The following SLC24A2 variants were observed in gnomAD, a reference collection of about 807,000 sequenced individuals.
SLC24A2 encodes solute carrier family 24 member 2, also known as sodium/potassium/calcium exchanger 2.
SLC24A2 carries 36 observed loss-of-function variants against 62.0 expected under a neutral mutation model. The observed-to-expected ratio is 0.58, with a 90% CI of 0.44 to 0.77. SLC24A2 has a LOEUF of 0.77. Ranked by LOEUF, SLC24A2 falls within the 30% of genes least tolerant of loss-of-function variation. SLC24A2 has a pLI of 0.00. For missense variants in SLC24A2, 846 were observed against 817.9 expected, an observed-to-expected ratio of 1.03 and a Z score of -0.42; for synonymous variants, 358 against 294.0, an observed-to-expected ratio of 1.22 and a Z score of -2.23.
At chr9:20,208,701 C>A in the SLC24A2 span, among the ~76,000 whole-genome samples, 2 of 152,176 alleles carry the variant, frequency 1.3e-5, no homozygotes, top group Non-Finnish European at 2.9e-5. Context: ...ATGGTTGTTT[C>A]CAGAACGAGT....
the SLC24A2 span, among the ~76,000 whole-genome samples, chr9:20,239,982 G>A: frequency 6.6e-6 from 1 of 151,624 alleles, no homozygotes; most frequent in Non-Finnish European, 1.5e-5. Context: ...GGGTTACCCT[G>A]TCTAGTGGTA....
At chr9:19,709,147 T>C (rs1037891620) in intron 2 of SLC24A2, among the ~76,000 whole-genome samples, 7 of 151,874 alleles carry the variant, frequency 4.6e-5, no homozygotes, top group Admixed American at 4.6e-4. Context: ...AAAAAACACA[T>C]GAAAAAATGC....
At position 19,652,069 on chromosome 9, in the gene SLC24A2, G is replaced by A. The variant is rs574243834; in HGVS notation, c.931-29770C>T. The stretch of plus-strand genomic sequence containing the variant: ...AATTATACTAAGTGTTCTGCATAGA[G>A]AGGAATTTCAAATCTTTTTGAATCT... On this transcript the variant is annotated intron_variant, in intron 2 of 10. Transcript: ENST00000341998. Among the ~76,000 whole-genome samples the A allele has an allele frequency of 4.6e-5, 7 of 152,290 alleles. No individual in the cohort carries two copies. The East Asian group carries it at 1.3e-3, about 29-fold the overall frequency.
the SLC24A2 span, among the ~76,000 whole-genome samples, chr9:20,306,338 C>T: frequency 3.3e-5 from 5 of 152,154 alleles, no homozygotes; most frequent in Non-Finnish European, 5.9e-5. Context: ...ACAACAACAA[C>T]AAAAAATGCA....
chr9:19,516,127 G>A lies in SLC24A2; in HGVS notation c.*26C>T, dbSNP rs772720301. 3.6e-5 allele frequency: 58 copies of A among 1,613,836 alleles called. No individual in the cohort carries two copies. Among genetic ancestry groups the A allele is most frequent in the Non-Finnish European group, 4.5e-5 (53 of 1,179,854 alleles). On this transcript the variant is annotated 3_prime_UTR_variant, in exon 11 of 11. Coordinates refer to ENST00000341998, the MANE Select transcript of SLC24A2 (RefSeq NM_020344.4). Reference sequence around the variant, plus strand: ...AGAGTGTGGAGGGACCATTCATGCTGCTGGTGCAAGATATGGCTTTTCCTG... The same window carrying A: ...AGAGTGTGGAGGGACCATTCATGCTACTGGTGCAAGATATGGCTTTTCCTG...
the SLC24A2 span, among the ~76,000 whole-genome samples, chr9:20,128,043 G>A: frequency 6.6e-6 from 1 of 151,898 alleles, no homozygotes; most frequent in Non-Finnish European, 1.5e-5. Context: ...TAAGCCTTTT[G>A]GTTTTGCTTC....
the SLC24A2 span, among the ~76,000 whole-genome samples, chr9:19,914,305 A>G: frequency 6.6e-6 from 1 of 151,980 alleles, no homozygotes; most frequent in South Asian, 2.1e-4. Flanking sequence ...TAGGATCCAT[A>G]CTGGATCTTG....
chr9:20,267,646 C>T, the SLC24A2 span, among the ~76,000 whole-genome samples: 1 of 152,194 alleles, frequency 6.6e-6, no homozygotes, highest in Non-Finnish European at 1.5e-5. Flanking sequence ...TCCCCAAGCC[C>T]AGCACTGTGT....
the SLC24A2 span, among the ~76,000 whole-genome samples, chr9:19,944,747 G>A: frequency 9.5e-6 from 1 of 105,472 alleles, no homozygotes; most frequent in East Asian, 2.4e-4. Flanking sequence ...GTGCCAAGAG[G>A]CTGGAGGTGA....
the SLC24A2 span, among the ~76,000 whole-genome samples, chr9:20,130,774 G>T: frequency 6.6e-6 from 1 of 152,184 alleles, no homozygotes; most frequent in South Asian, 2.1e-4. Context: ...AGACCAGTTA[G>T]AAGACTGTTG....
chr9:20,096,351 T>C, the SLC24A2 span, among the ~76,000 whole-genome samples: 2 of 152,194 alleles, frequency 1.3e-5, no homozygotes, highest in African/African-American at 2.4e-5. Context: ...TATCTTCTTA[T>C]ATGTATCACT....
chr9:19,674,553 A>AT (rs1302649118), intron 2 of SLC24A2, among the ~76,000 whole-genome samples: 1 of 152,074 alleles, frequency 6.6e-6, no homozygotes, highest in Non-Finnish European at 1.5e-5. Context: ...GGCTTTGTTC[A>AT]TTTTTTTAAA....
chr9:20,067,382 T>A, the SLC24A2 span, among the ~76,000 whole-genome samples: 1 of 152,152 alleles, frequency 6.6e-6, no homozygotes, highest in East Asian at 1.9e-4. Flanking sequence ...GGTGACCATA[T>A]CCTCCTGTGT....
chr9:19,534,998 C>T (rs1479206901), intron 8 of SLC24A2, among the ~76,000 whole-genome samples: 1 of 152,196 alleles, frequency 6.6e-6, no homozygotes, highest in East Asian at 1.9e-4. Flanking sequence ...GTTCCTATTT[C>T]ACCACATCCT....
At chr9:20,258,344 T>C in the SLC24A2 span, among the ~76,000 whole-genome samples, 1 of 152,220 alleles carries the variant, frequency 6.6e-6, no homozygotes, top group African/African-American at 2.4e-5. Flanking sequence ...GGTTTGGCAT[T>C]TGATTAGAAT....
chr9:19,850,527 T>C, the SLC24A2 span, among the ~76,000 whole-genome samples: 10 of 152,158 alleles, frequency 6.6e-5, no homozygotes, highest in Admixed American at 6.6e-4. Flanking sequence ...TCAATGATTC[T>C]TGGCCATTCA....
the SLC24A2 span, among the ~76,000 whole-genome samples, chr9:19,876,756 C>T: frequency 6.6e-6 from 1 of 152,078 alleles, no homozygotes; most frequent in East Asian, 1.9e-4. Context: ...TTATGGGACA[C>T]CTTGAAACAC....
At chr9:19,751,380 C>T (rs1002571980) in intron 2 of SLC24A2, among the ~76,000 whole-genome samples, 2 of 152,098 alleles carry the variant, frequency 1.3e-5, no homozygotes, top group Non-Finnish European at 2.9e-5. Flanking sequence ...AAATCACCTA[C>T]AAAGTAGAAG....
chr9:20,074,078 A>C, the SLC24A2 span, among the ~76,000 whole-genome samples: 11 of 152,138 alleles, frequency 7.2e-5, no homozygotes, highest in African/African-American at 2.4e-4. Flanking sequence ...CCTGGCATCA[A>C]AATCCAGGTC....
Sources: allele counts gnomAD v4.1 joint callset (sites outside exome capture counted in the v4.1 genomes callset), GRCh38; gene constraint gnomAD v4.1.1; transcripts MANE v1.5; gene names NCBI Gene and HGNC (gene_info 2026-07-23, HGNC 2026-07-21).